DLG2: variants seen among roughly 807,000 people sequenced by gnomAD.
The protein encoded by DLG2 is discs large MAGUK scaffold protein 2.
DLG2 carries 45 observed loss-of-function variants against 132.5 expected under a neutral mutation model. The ratio of observed to expected loss-of-function variants is 0.34; its 90% CI spans 0.27 to 0.44. The LOEUF (loss-of-function observed/expected upper bound fraction) is 0.44. Among genes scored for constraint, DLG2 ranks in the 20% least tolerant of loss-of-function variants. The pLI is 1.00. For synonymous variants in DLG2, 424 were observed against 419.6 expected, an observed-to-expected ratio of 1.01 and a Z score of -0.13; for missense variants, 1,045 against 1,196.9, an observed-to-expected ratio of 0.87 and a Z score of 1.87.
chr11:85,268,500 A>T (rs1256144945), intron 4 of DLG2, among the ~76,000 whole-genome samples: 1 of 152,240 alleles, frequency 6.6e-6, no homozygotes, highest in Non-Finnish European at 1.5e-5. Flanking sequence ...CCTTGGGCAC[A>T]TGTCCTCAGG....
intron 18 of DLG2, among the ~76,000 whole-genome samples, chr11:83,637,398 T>C (rs1005188165): frequency 3.3e-5 from 5 of 152,178 alleles, no homozygotes; most frequent in African/African-American, 1.2e-4. Flanking sequence ...ACTGAGCACC[T>C]GCAATGAGCT....
At chr11:85,046,278 C>T (rs1044382205) in intron 6 of DLG2, among the ~76,000 whole-genome samples, 4 of 151,994 alleles carry the variant, frequency 2.6e-5, no homozygotes, top group African/African-American at 9.7e-5. Context: ...AGTATATCAA[C>T]AGCTACCACA....
At chr11:83,829,751 ATTTT>A (rs894240653) in intron 17 of DLG2, among the ~76,000 whole-genome samples, 4 of 151,712 alleles carry the variant, frequency 2.6e-5, no homozygotes, top group African/African-American at 9.7e-5. Flanking sequence ...TTATTTATTT[ATTTT>A]TATTATTATA....
intron 8 of DLG2, among the ~76,000 whole-genome samples, chr11:84,187,818 C>T (rs1255379612): frequency 2.0e-5 from 3 of 151,912 alleles, no homozygotes; most frequent in East Asian, 3.9e-4. Context: ...AGGAATATTC[C>T]CTGGCTAATT....
At chr11:83,972,379 C>T (rs1312831405) in intron 12 of DLG2, among the ~76,000 whole-genome samples, 1 of 152,134 alleles carries the variant, frequency 6.6e-6, no homozygotes, top group Admixed American at 6.6e-5. Context: ...TGAAAAGACT[C>T]TGTATGATAT....
chr11:85,481,291 G>C (rs373247756), intron 3 of DLG2, among the ~76,000 whole-genome samples: 3 of 152,144 alleles, frequency 2.0e-5, no homozygotes, highest in African/African-American at 7.2e-5. Flanking sequence ...GTATCAGCAA[G>C]ATGGCAGAAT....
At chr11:85,518,064 T>C (rs912200816) in intron 3 of DLG2, among the ~76,000 whole-genome samples, 6 of 152,178 alleles carry the variant, frequency 3.9e-5, no homozygotes, top group African/African-American at 1.4e-4. Flanking sequence ...CTCTTTCTTT[T>C]GTAAATTACC....
chr11:85,261,045 C>T (rs753627109), intron 4 of DLG2, among the ~76,000 whole-genome samples: 1 of 151,944 alleles, frequency 6.6e-6, no homozygotes, highest in Non-Finnish European at 1.5e-5. Context: ...TGGGGCCCAG[C>T]GTAGCAGGTG....
intron 3 of DLG2, among the ~76,000 whole-genome samples, chr11:85,589,775 G>A (rs1565727597): frequency 1.3e-5 from 2 of 151,950 alleles, no homozygotes; most frequent in Admixed American, 1.3e-4. Flanking sequence ...TTTCCCAGCT[G>A]AGAAAGCAAG....
At chr11:84,449,127 T>C (rs1354508248) in intron 7 of DLG2, among the ~76,000 whole-genome samples, 3 of 152,000 alleles carry the variant, frequency 2.0e-5, no homozygotes, top group Admixed American at 6.6e-5. Flanking sequence ...CTGACACTTA[T>C]TGATACATGG....
chr11:85,363,877 T>C (rs1299670315), intron 3 of DLG2, among the ~76,000 whole-genome samples: 2 of 152,210 alleles, frequency 1.3e-5, no homozygotes, highest in East Asian at 3.9e-4. Context: ...GAAATTATAG[T>C]TTGTATATTA....
At chr11:83,927,977 T>C (rs1003246396) in intron 15 of DLG2, among the ~76,000 whole-genome samples, 2 of 152,074 alleles carry the variant, frequency 1.3e-5, no homozygotes, top group African/African-American at 4.8e-5. Context: ...ATTTACTAAG[T>C]TGAGGAAGTA....
chr11:85,481,219 AC>A (rs2093280679), intron 3 of DLG2, among the ~76,000 whole-genome samples: 2 of 152,226 alleles, frequency 1.3e-5, no homozygotes, highest in Non-Finnish European at 2.9e-5. Context: ...CTCAAATGGC[AC>A]CTGTACGGGT....
intron 7 of DLG2, among the ~76,000 whole-genome samples, chr11:84,383,047 A>G (rs1430749265): frequency 6.6e-6 from 1 of 151,870 alleles, no homozygotes. Flanking sequence ...AACTCTGACC[A>G]TGGTGCTTCC....
intron 6 of DLG2, among the ~76,000 whole-genome samples, chr11:84,904,804 C>A (rs11234238): frequency 0.044 from 6,772 of 152,256 alleles, 234 homozygotes; most frequent in South Asian, 0.15. Flanking sequence ...TCTGAATACA[C>A]CACAATTTCT....
rs573347041 is a variant in DLG2 at position 85,180,553 on chromosome 11, C to A, written c.187-25902G>T. 1.9e-3 allele frequency among the ~76,000 whole-genome samples: 288 copies of A among 151,876 alleles called. 2 individuals carry two copies. Among genetic ancestry groups the A allele is most frequent in the Non-Finnish European group, 3.1e-3 (212 of 67,858 alleles). On this transcript the variant is annotated intron_variant, in intron 4 of 27. Coordinates refer to ENST00000376104, the MANE Select transcript of DLG2 (RefSeq NM_001142699.3). ...AGATTCAGCAACGAGAAAATCCTAA[C>A]AAGCTGCCCTTTTGTGTTAGTTTCA...
intron 17 of DLG2, among the ~76,000 whole-genome samples, chr11:83,795,930 T>C (rs1455330450): frequency 6.6e-6 from 1 of 152,210 alleles, no homozygotes; most frequent in East Asian, 1.9e-4. Flanking sequence ...TCTGCATTTA[T>C]GCACATGCTA....
chr11:84,770,742 T>G (rs1269798253), intron 6 of DLG2, among the ~76,000 whole-genome samples: 6 of 150,500 alleles, frequency 4.0e-5, no homozygotes, highest in Admixed American at 2.0e-4. Context: ...GCCTCACGGG[T>G]TCACGCCATT....
chr11:83,945,806 C>CTCTGTG (rs1555194132), intron 14 of DLG2, among the ~76,000 whole-genome samples: 41 of 136,376 alleles, frequency 3.0e-4, no homozygotes, highest in Non-Finnish European at 5.0e-4. Context: ...AGAAATGCCT[C>CTCTGTG]TGTGTGTGTG....
Sources: allele counts gnomAD v4.1 joint callset (sites outside exome capture counted in the v4.1 genomes callset), GRCh38; gene constraint gnomAD v4.1.1; transcripts MANE v1.5; gene names NCBI Gene and HGNC (gene_info 2026-07-23, HGNC 2026-07-21).